Variants in UNC5D observed in about 807,000 individuals in gnomAD.
UNC5D encodes unc-5 netrin receptor D.
UNC5D carries 39 observed loss-of-function variants against 105.4 expected under a neutral mutation model. The ratio of observed to expected loss-of-function variants is 0.37; its 90% CI spans 0.29 to 0.48. The LOEUF is 0.48. UNC5D is among the 20% of genes least tolerant of loss of function. The pLI, the probability that UNC5D is intolerant of heterozygous loss-of-function variation, is 0.98. For missense variants in UNC5D, 991 were observed against 1,202.4 expected (o/e 0.82, Z 2.60); for synonymous variants, 452 against 450.4 (o/e 1.00, Z -0.04).
At position 35,564,398 on chromosome 8, in the gene UNC5D, G is replaced by A. The variant is rs150173662; in HGVS notation, c.323-3700G>A. 1.2e-4 allele frequency among the ~76,000 whole-genome samples: 18 copies of A among 152,172 alleles called. No homozygotes were observed. The East Asian group carries it at 3.3e-3, about 28-fold the overall frequency. On this transcript the variant is annotated intron_variant, in intron 2 of 16. Transcript: ENST00000404895. ...ATAGGAGCTCTGGAATATTGAAGTCGCTTTACCTCCTCCTACCTGTATGCA... is the reference window on the plus strand; with the variant it reads ...ATAGGAGCTCTGGAATATTGAAGTCACTTTACCTCCTCCTACCTGTATGCA...
chr8:35,626,456 A>G lies in UNC5D; in HGVS notation c.570+30799A>G, dbSNP rs367562501. On this transcript the variant is annotated intron_variant, in intron 4 of 16. Transcript: ENST00000404895. The stretch of plus-strand genomic sequence containing the variant: ...TAGCTATATGCATATATGAGATTAT[A>G]GTGCTTGGTAAACCATGGAAACCAT... Among the ~76,000 whole-genome samples the G allele has an allele frequency of 1.9e-4, 29 of 152,342 alleles. No homozygotes were observed. The South Asian group carries it at 2.7e-3, about 14-fold the overall frequency.
chr8:35,745,454 G>A (rs1166059371), intron 11 of UNC5D, among the ~76,000 whole-genome samples: 1 of 152,182 alleles, frequency 6.6e-6, no homozygotes, highest in Non-Finnish European at 1.5e-5. Flanking sequence ...ATAAAAGCAA[G>A]GAGACCAGTA....
chr8:35,670,996 C>A (rs376278252), intron 4 of UNC5D, among the ~76,000 whole-genome samples: 1 of 121,556 alleles, frequency 8.2e-6, no homozygotes, highest in African/African-American at 2.6e-5. Flanking sequence ...GAGAAATAAC[C>A]TAGAATATTA....
chr8:35,616,017 C>T (rs968472636), intron 4 of UNC5D, among the ~76,000 whole-genome samples: 2 of 152,200 alleles, frequency 1.3e-5, no homozygotes, highest in East Asian at 1.9e-4. Context: ...TTGATAGACT[C>T]ATTTAATATA....
At chr8:35,301,919 A>G (rs900695494) in intron 1 of UNC5D, among the ~76,000 whole-genome samples, 6 of 152,212 alleles carry the variant, frequency 3.9e-5, no homozygotes, top group African/African-American at 1.4e-4. Context: ...CAGGATGTAC[A>G]GGAACTCTTG....
At chr8:35,260,906 G>A (rs1015237715) in intron 1 of UNC5D, among the ~76,000 whole-genome samples, 1 of 152,116 alleles carries the variant, frequency 6.6e-6, no homozygotes, top group Non-Finnish European at 1.5e-5. Context: ...AAGGCACTCA[G>A]GACACTGATG....
chr8:35,766,793 G>A (rs756375176), intron 14 of UNC5D, 109 bp from the exon 15 acceptor site: 15 of 1,279,046 alleles, frequency 1.2e-5, no homozygotes, highest in East Asian at 7.4e-5. Context: ...TGTCCTCATC[G>A]TTGTTGTTGT....
intron 1 of UNC5D, among the ~76,000 whole-genome samples, chr8:35,342,643 C>T (rs578067403): frequency 1.8e-4 from 27 of 152,096 alleles, no homozygotes; most frequent in Admixed American, 1.0e-3. Flanking sequence ...TGAACCACAC[C>T]AGCCTAAAGG....
chr8:35,661,013 G>C (rs538450927), intron 4 of UNC5D, among the ~76,000 whole-genome samples: 104 of 152,102 alleles, frequency 6.8e-4, no homozygotes, highest in African/African-American at 2.4e-3. Flanking sequence ...TGGGAGGATA[G>C]CTTGAGCCCA....
intron 1 of UNC5D, among the ~76,000 whole-genome samples, chr8:35,530,504 T>C: frequency 2.8e-5 from 1 of 35,420 alleles, no homozygotes. Flanking sequence ...GGTCTAAAAT[T>C]CTCTTTTTTG....
At chr8:35,472,922 G>A (rs1809840636) in intron 1 of UNC5D, among the ~76,000 whole-genome samples, 1 of 152,168 alleles carries the variant, frequency 6.6e-6, no homozygotes, top group Non-Finnish European at 1.5e-5. Flanking sequence ...TTTTCCACAG[G>A]TGGTCAATGA....
chr8:35,574,763 T>C (rs1817978931), intron 3 of UNC5D, among the ~76,000 whole-genome samples: 1 of 152,204 alleles, frequency 6.6e-6, no homozygotes, highest in Non-Finnish European at 1.5e-5. Flanking sequence ...TTTCCATTCT[T>C]ATCTCCAATG....
chr8:35,635,024 C>T (rs1408532350), intron 4 of UNC5D, among the ~76,000 whole-genome samples: 1 of 152,110 alleles, frequency 6.6e-6, no homozygotes, highest in Non-Finnish European at 1.5e-5. Context: ...CCTTGGCCTC[C>T]CAAAGTGCTG....
At chr8:35,486,686 C>A (rs1032093677) in intron 1 of UNC5D, among the ~76,000 whole-genome samples, 1 of 152,060 alleles carries the variant, frequency 6.6e-6, no homozygotes, top group Non-Finnish European at 1.5e-5. Flanking sequence ...TCTATCTTAA[C>A]TAGGAAAAAA....
At chr8:35,511,990 A>G (rs1812743871) in intron 1 of UNC5D, among the ~76,000 whole-genome samples, 1 of 152,110 alleles carries the variant, frequency 6.6e-6, no homozygotes, top group African/African-American at 2.4e-5. Flanking sequence ...CTAGCAGAAG[A>G]TGGGTGATAT....
At chr8:35,410,289 A>G (rs372804513) in intron 1 of UNC5D, among the ~76,000 whole-genome samples, 4 of 152,004 alleles carry the variant, frequency 2.6e-5, no homozygotes, top group East Asian at 3.9e-4. Flanking sequence ...TCAGAAGTAA[A>G]GGAATGTACA....
chr8:35,410,626 A>G (rs1805104601), intron 1 of UNC5D, among the ~76,000 whole-genome samples: 1 of 152,082 alleles, frequency 6.6e-6, no homozygotes, highest in African/African-American at 2.4e-5. Flanking sequence ...TTCAAAAGAA[A>G]TCTTACCCAG....
chr8:35,786,683 G>C (rs773285391), intron 16 of UNC5D, among the ~76,000 whole-genome samples: 1 of 152,032 alleles, frequency 6.6e-6, no homozygotes, highest in Non-Finnish European at 1.5e-5. Flanking sequence ...GAGTGCCTGA[G>C]GCAGGACATA....
At chr8:35,368,032 A>G (rs1016020483) in intron 1 of UNC5D, among the ~76,000 whole-genome samples, 7 of 152,180 alleles carry the variant, frequency 4.6e-5, no homozygotes, top group African/African-American at 1.7e-4. Flanking sequence ...GTGCTTTAAT[A>G]ATGTGGGAAA....
Sources: allele counts gnomAD v4.1 joint callset (sites outside exome capture counted in the v4.1 genomes callset), GRCh38; gene constraint gnomAD v4.1.1; transcripts MANE v1.5; gene names NCBI Gene and HGNC (gene_info 2026-07-23, HGNC 2026-07-21).